TJP1: variants seen among roughly 807,000 people sequenced by gnomAD.
TJP1 encodes the protein tight junction protein 1.
A neutral mutation model predicts 194.2 loss-of-function variants in TJP1; 43 were observed. The ratio of observed to expected loss-of-function variants is 0.22; its 90% confidence interval spans 0.17 to 0.29. The LOEUF is 0.29. Among genes scored for constraint, TJP1 ranks in the 10% least tolerant of loss-of-function variants. TJP1 has a pLI of 1.00. For missense variants in TJP1, 1,971 were observed against 2,185.7 expected, an observed-to-expected ratio of 0.90 and a Z score of 1.96; for synonymous variants, 801 against 779.0, an observed-to-expected ratio of 1.03 and a Z score of -0.47.
At chr15:29,924,246 T>A (rs1242445537) in intron 2 of TJP1, among the ~76,000 whole-genome samples, 1 of 152,122 alleles carries the variant, frequency 6.6e-6, no homozygotes, top group East Asian at 1.9e-4. Flanking sequence ...AGCTAATTTT[T>A]GTAGAGACAG....
intron 10 of TJP1, among the ~76,000 whole-genome samples, 162 bp from the exon 11 acceptor site, chr15:29,737,576 A>G (rs544378319): frequency 3.3e-5 from 5 of 152,352 alleles, no homozygotes; most frequent in African/African-American, 1.2e-4. Context: ...TTAGAATTCA[A>G]ATCAGACTTA....
intron 2 of TJP1, among the ~76,000 whole-genome samples, chr15:29,851,121 G>C (rs1354002438): frequency 1.3e-5 from 2 of 152,072 alleles, no homozygotes; most frequent in African/African-American, 4.8e-5. Flanking sequence ...CTGGGCAACA[G>C]AGTGAGACTC....
At chr15:29,888,266 T>C (rs1466220262) in intron 2 of TJP1, among the ~76,000 whole-genome samples, 1 of 152,102 alleles carries the variant, frequency 6.6e-6, no homozygotes, top group Non-Finnish European at 1.5e-5. Context: ...TATGTGTATG[T>C]ACATATATAT....
intron 23 of TJP1, among the ~76,000 whole-genome samples, chr15:29,711,274 A>G (rs1342384123): frequency 2.0e-5 from 3 of 152,202 alleles, no homozygotes; most frequent in African/African-American, 4.8e-5. Flanking sequence ...GGTATAGTTT[A>G]ATTGTTATTT....
chr15:29,730,019 T>C (rs1825813863), intron 15 of TJP1, among the ~76,000 whole-genome samples: 2 of 152,058 alleles, frequency 1.3e-5, no homozygotes, highest in African/African-American at 4.8e-5. Flanking sequence ...TCTTTTGTAA[T>C]AGTAATATAA....
intron 2 of TJP1, among the ~76,000 whole-genome samples, chr15:29,846,268 C>A (rs150330379): frequency 6.6e-6 from 1 of 152,156 alleles, no homozygotes; most frequent in Non-Finnish European, 1.5e-5. Context: ...TGTCCAATGT[C>A]TTTCCATTCA....
At chr15:29,766,055 A>G (rs2046311794) in intron 5 of TJP1, among the ~76,000 whole-genome samples, 1 of 152,236 alleles carries the variant, frequency 6.6e-6, no homozygotes, top group South Asian at 2.1e-4. Flanking sequence ...CCAAAAGCCA[A>G]GCCCTGGACA....
Position 29,838,881 on chromosome 15 carries a change from T to C in TJP1, c.307-38179A>G, listed in dbSNP as rs567911765. ...TGGAACCATACAGTACGTAACCTGC[T>C]GGAATTATGTTTGTTCATCACCGTA... On this transcript the variant is annotated intron_variant, in intron 2 of 28. Transcript: ENST00000356107. Among the ~76,000 whole-genome samples, 5 of 152,232 alleles carry C rather than the reference T, an allele frequency of 3.3e-5. No homozygotes were observed. The East Asian group carries it at 9.6e-4, about 29-fold the overall frequency.
intron 5 of TJP1, among the ~76,000 whole-genome samples, chr15:29,764,693 G>C (rs1460980457): frequency 6.6e-6 from 1 of 152,084 alleles, no homozygotes; most frequent in African/African-American, 2.4e-5. Flanking sequence ...CTGAGAAACT[G>C]GATCAATAGA....
intron 2 of TJP1, among the ~76,000 whole-genome samples, chr15:29,877,277 C>T (rs1412068884): frequency 6.6e-6 from 1 of 152,226 alleles, no homozygotes; most frequent in Non-Finnish European, 1.5e-5. Flanking sequence ...AGTGCAGTGG[C>T]GTGATCACGG....
intron 23 of TJP1, among the ~76,000 whole-genome samples, chr15:29,712,042 T>C (rs544800754): frequency 2.4e-4 from 37 of 152,364 alleles, no homozygotes; most frequent in Non-Finnish European, 4.9e-4. Flanking sequence ...AGATTGCCAA[T>C]TGTTAATATG....
At chr15:29,949,910 T>C (rs1480690637) in intron 2 of TJP1, among the ~76,000 whole-genome samples, 5 of 41,802 alleles carry the variant, frequency 1.2e-4, no homozygotes, top group Non-Finnish European at 1.7e-4. Flanking sequence ...AACCACCACC[T>C]CCACCTCCAC....
chr15:29,802,702 G>GT (rs1464660902), intron 1 of TJP1, among the ~76,000 whole-genome samples: 1 of 151,882 alleles, frequency 6.6e-6, no homozygotes, highest in Admixed American at 6.6e-5. Context: ...CATGATAAAA[G>GT]TATCTGCAAG....
chr15:29,724,821 T>C (rs75271395), intron 18 of TJP1, among the ~76,000 whole-genome samples: 3,547 of 152,292 alleles, frequency 0.023, 50 homozygotes, highest in South Asian at 0.053. Flanking sequence ...AAATAACCTA[T>C]TTTTCCTCAC....
At chr15:29,735,331 G>A (rs1399085115) in intron 11 of TJP1, among the ~76,000 whole-genome samples, 1 of 152,070 alleles carries the variant, frequency 6.6e-6, no homozygotes, top group African/African-American at 2.4e-5. Flanking sequence ...ACTCATGTCT[G>A]TAATCCCAGC....
chr15:29,763,507 T>C lies in TJP1; in HGVS notation c.590-1069A>G, dbSNP rs376597425. Among the ~76,000 whole-genome samples the C allele has an allele frequency of 1.1e-4, 17 of 152,166 alleles. No homozygotes were observed. The East Asian group carries it at 1.2e-3, about 10-fold the overall frequency. On this transcript the variant is annotated intron_variant, in intron 5 of 27. Transcript: ENST00000614355. Reference sequence around the variant, plus strand: ...AGAGTAGGCTGGGCATGGTGGCTCATGCCTGTAATTCCAGCACTTTGGGAG... The same window carrying C: ...AGAGTAGGCTGGGCATGGTGGCTCACGCCTGTAATTCCAGCACTTTGGGAG...
chr15:29,878,544 C>T (rs2052799043), intron 2 of TJP1, among the ~76,000 whole-genome samples: 1 of 151,808 alleles, frequency 6.6e-6, no homozygotes, highest in South Asian at 2.1e-4. Context: ...AAACACAGCC[C>T]ATAGTTCAGT....
chr15:29,748,756 T>C (rs946532667), intron 8 of TJP1, among the ~76,000 whole-genome samples: 3 of 151,954 alleles, frequency 2.0e-5, no homozygotes, highest in East Asian at 1.9e-4. Context: ...CTACTTGTTG[T>C]AGAGATGGGG....
At chr15:29,776,027 A>G (rs538573156) in intron 2 of TJP1, among the ~76,000 whole-genome samples, 1 of 152,262 alleles carries the variant, frequency 6.6e-6, no homozygotes, top group South Asian at 2.1e-4. Context: ...AAAGCTTCTA[A>G]ATTCTTTTTA....
Sources: gnomAD v4.1 joint callset for allele counts (sites outside exome capture counted in the v4.1 genomes callset) on GRCh38, gnomAD v4.1.1 for gene constraint, MANE v1.5 for transcripts, NCBI Gene and HGNC (gene_info 2026-07-23, HGNC 2026-07-21) for gene names.